Variants in MRC1 observed in about 807,000 individuals in gnomAD.
MRC1 encodes the protein macrophage mannose receptor 1.
In MRC1, 62 loss-of-function variants were observed where a neutral mutation model predicts 102.9. That is an observed-to-expected ratio of 0.60 (90% CI 0.49 to 0.74). The LOEUF is 0.74. Among genes scored for constraint, MRC1 ranks in the 30% least tolerant of loss-of-function variants. The probability of loss-of-function intolerance (pLI) is 0.00; values close to 1 mark genes in which losing one functional copy is unlikely to be tolerated. For missense variants in MRC1, 1,237 were observed against 862.8 expected (o/e 1.43, Z -5.43); for synonymous variants, 457 against 298.4 (o/e 1.53, Z -5.48).
At chr10:17,846,286 G>A (rs1838825005) in intron 6 of MRC1, among the ~76,000 whole-genome samples, 1 of 151,964 alleles carries the variant, frequency 6.6e-6, no homozygotes, top group South Asian at 2.1e-4. Context: ...TTTTATAGGA[G>A]AATAAACTAC....
rs1008351281 is a variant in MRC1, at chr10:17,810,540, C to G, written c.61+1014C>G. On this transcript the variant is annotated intron_variant, in intron 1 of 29. Transcript: ENST00000569591. ...GAAGGCGGTATGGTTTACATCCTGT[C>G]TCTCTCACTCACTAGCTTTGCGACC... Among the ~76,000 whole-genome samples, 15 of 152,294 alleles carry G rather than the reference C, an allele frequency of 9.8e-5. No homozygotes were observed. In the East Asian group the frequency reaches 1.7e-3, roughly 18 times the overall value.
intron 6 of MRC1, among the ~76,000 whole-genome samples, chr10:17,846,647 T>C (rs2130636418): frequency 6.6e-6 from 1 of 152,314 alleles, no homozygotes; most frequent in African/African-American, 2.4e-5. Context: ...CAAATATATT[T>C]ATAATTATTT....
chr10:17,866,608 C>T lies in MRC1; in HGVS notation c.1830C>T (p.Gly610=). The T allele has an allele frequency of 1.3e-6, 1 of 780,758 alleles. No individual in the cohort carries two copies. The highest frequency in any genetic ancestry group is 1.3e-5 in the South Asian group (1 of 74,600). The allele number at this position is 780,758 out of a possible 1,614,324, so 48.4% of individuals were successfully genotyped here. ...CVAMRTGIAG[G]LWDVLKCDEK... ...CCATGAGAACCGGGATTGCAGGGGGCTTATGGGATGTTTTGAAATGTGATG... is the reference window on the plus strand; with the variant it reads ...CCATGAGAACCGGGATTGCAGGGGGTTTATGGGATGTTTTGAAATGTGATG... The change falls in exon 12 of 30, where the codon GGC becomes GGT. Residue 610 remains glycine, a synonymous_variant. Coordinates refer to ENST00000569591, the MANE Select transcript of MRC1 (RefSeq NM_002438.4).
intron 14 of MRC1, among the ~76,000 whole-genome samples, chr10:17,871,778 A>T (rs1833358208): frequency 2.6e-5 from 4 of 152,192 alleles, no homozygotes; most frequent in African/African-American, 9.7e-5. Flanking sequence ...TGTGTACGTT[A>T]TTCAACATCA....
chr10:17,870,896 A>G lies in MRC1; in HGVS notation c.2160A>G (p.Gly720=). ...TGTTTTGGTTGGGATTGACATATGGAAGCCCTTCAGAAGGTTTTACTTGGA... is the reference window on the plus strand; with the variant it reads ...TGTTTTGGTTGGGATTGACATATGGGAGCCCTTCAGAAGGTTTTACTTGGA... The part of the protein sequence containing the change: ...HKLFWLGLTY[G]SPSEGFTWSD... The change falls in exon 14 of 30, where the codon GGA becomes GGG. Residue 720 remains glycine, a synonymous_variant. Transcript: ENST00000569591. The G allele has an allele frequency of 1.1e-6, 1 of 872,446 alleles. No homozygotes were observed. Among genetic ancestry groups the G allele is most frequent in the Non-Finnish European group, 2.0e-6 (1 of 501,254 alleles). 54.0% of individuals were successfully genotyped at this position (872,446 alleles called of 1,614,324 possible). A position where few individuals can be genotyped will look rare whatever the true frequency, so the allele number is the denominator to read the frequency against.
chr10:17,900,052 C>T (rs1005696921), intron 24 of MRC1, among the ~76,000 whole-genome samples: 3 of 144,000 alleles, frequency 2.1e-5, no homozygotes, highest in Non-Finnish European at 4.5e-5. Flanking sequence ...GAGCCTAGAT[C>T]GAGCCATTGC....
At chr10:17,852,094 A>G (rs1838925990) in intron 7 of MRC1, among the ~76,000 whole-genome samples, 1 of 152,150 alleles carries the variant, frequency 6.6e-6, no homozygotes, top group Non-Finnish European at 1.5e-5. Context: ...AGACAAGTTT[A>G]TTTTTTAGCC....
intron 21 of MRC1, 128 bp downstream of exon 21, chr10:17,881,309 T>C (rs1418702642): frequency 7.2e-6 from 5 of 690,702 alleles, no homozygotes; most frequent in African/African-American, 3.6e-5. Flanking sequence ...GTGGAAAAAA[T>C]CAAATGCTTA....
intron 3 of MRC1, 118 bp from the exon 4 acceptor site, chr10:17,833,557 G>T: frequency 1.5e-6 from 1 of 682,676 alleles, no homozygotes; most frequent in Non-Finnish European, 2.7e-6. Context: ...GGGAAAAAAA[G>T]AAAGGAAAGA....
chr10:17,888,128 G>C (rs1170777815), intron 22 of MRC1, among the ~76,000 whole-genome samples: 1 of 152,134 alleles, frequency 6.6e-6, no homozygotes, highest in African/African-American at 2.4e-5. Flanking sequence ...ACAATTTCAG[G>C]ACTTTAAAAT....
intron 18 of MRC1, among the ~76,000 whole-genome samples, chr10:17,878,774 C>T (rs937973586): frequency 3.6e-4 from 55 of 152,078 alleles, no homozygotes; most frequent in African/African-American, 1.0e-3. Context: ...GCAATCCTTC[C>T]GCTTCAGCCT....
chr10:17,822,138 G>A (rs1554838315), intron 1 of MRC1, among the ~76,000 whole-genome samples: 2 of 152,108 alleles, frequency 1.3e-5, no homozygotes, highest in Non-Finnish European at 2.9e-5. Flanking sequence ...TTAAGTATAA[G>A]CCATCCTTAC....
At chr10:17,884,936 T>C (rs1833570943) in intron 21 of MRC1, among the ~76,000 whole-genome samples, 1 of 152,244 alleles carries the variant, frequency 6.6e-6, no homozygotes, top group Non-Finnish European at 1.5e-5. Flanking sequence ...CGGTGACTTT[T>C]TATGAATTAG....
chr10:17,859,781 G>A (rs1044320978), intron 9 of MRC1, among the ~76,000 whole-genome samples: 16,084 of 152,240 alleles, frequency 0.11, 1,041 homozygotes, highest in Non-Finnish European at 0.15. Context: ...GATTAAGTAT[G>A]ACTTTAATTT....
Position 17,849,726 on chromosome 10 carries a change from T to A in MRC1, c.1211T>A (p.Ile404Asn), listed in dbSNP as rs1346226011. The change falls in exon 7 of 30, where the codon ATC becomes AAC. Residue 404 changes from isoleucine to asparagine, a missense_variant. Transcript: ENST00000569591. ...GGTGACCTCACAAGTATCCACACCA[T>A]CGAGGAATTGGACTTTATTATCTCC... is the stretch of plus-strand genomic sequence containing the variant. The part of the protein sequence containing the change: ...EGGDLTSIHT[I>N]EELDFIISQL... 1 of 780,814 alleles carries A rather than the reference T, an allele frequency of 1.3e-6. No homozygotes were observed. Among genetic ancestry groups the A allele is most frequent in the African/African-American group, 1.7e-5 (1 of 59,098 alleles). The allele number at this position is 780,814 out of a possible 1,614,324, so 48.4% of individuals were successfully genotyped here.
chr10:17,835,802 A>G (rs1264863142), intron 4 of MRC1, among the ~76,000 whole-genome samples: 1 of 152,338 alleles, frequency 6.6e-6, no homozygotes, highest in Admixed American at 6.5e-5. Flanking sequence ...GAATTCTGTT[A>G]AAGTGATGAT....
rs1030965335 is a variant in MRC1, at chr10:17,874,228, C to T, written c.2386+403C>T. Among the ~76,000 whole-genome samples, 59 of 152,284 alleles carry T rather than the reference C, an allele frequency of 3.9e-4. No individual in the cohort carries two copies. In the South Asian group the frequency reaches 0.012, roughly 31 times the overall value. ...AAATCCAGATGTTGGCAGGACCACG[C>T]TCCCTTTAGGGGCTCTGAGGGAGAT... On this transcript the variant is annotated intron_variant, in intron 16 of 29. Transcript: ENST00000569591.
intron 11 of MRC1, among the ~76,000 whole-genome samples, chr10:17,865,764 G>A (rs1833257810): frequency 1.3e-5 from 2 of 152,094 alleles, no homozygotes; most frequent in Non-Finnish European, 2.9e-5. Context: ...TAGGAATCAG[G>A]GAAAACCCTT....
At chr10:17,861,871 GA>G (rs1291233602) in intron 10 of MRC1, among the ~76,000 whole-genome samples, 1 of 152,130 alleles carries the variant, frequency 6.6e-6, no homozygotes, top group African/African-American at 2.4e-5. Context: ...CACCAAAAAA[GA>G]AGGCAAAGAA....
Sources: allele counts gnomAD v4.1 joint callset (sites outside exome capture counted in the v4.1 genomes callset), GRCh38; gene constraint gnomAD v4.1.1; transcripts MANE v1.5; gene names NCBI Gene and HGNC (gene_info 2026-07-23, HGNC 2026-07-21).